CUL3: variants seen among roughly 807,000 people sequenced by gnomAD.
CUL3 encodes cullin 3, also known as cullin-3.
Under a neutral mutation model 89.1 loss-of-function variants are expected in CUL3, and 19 were observed. The observed-to-expected ratio is 0.21, with a 90% CI of 0.15 to 0.31. The LOEUF (loss-of-function observed/expected upper bound fraction) is 0.31, where lower values mean the gene tolerates loss of function less well. Ranked by LOEUF, CUL3 falls within the 10% of genes least tolerant of loss-of-function variation. The pLI is 1.00. For synonymous variants in CUL3, 351 were observed against 308.4 expected, an observed-to-expected ratio of 1.14 and a Z score of -1.45; for missense variants, 469 against 942.3, an observed-to-expected ratio of 0.50 and a Z score of 6.58.
intron 3 of CUL3, among the ~76,000 whole-genome samples, chr2:224,532,808 T>C (rs934506070): frequency 6.6e-6 from 1 of 152,034 alleles, no homozygotes; most frequent in Non-Finnish European, 1.5e-5. Flanking sequence ...CTAAAATACT[T>C]AAGGTTCATG....
chr2:224,547,666 G>T (rs1379721961), intron 2 of CUL3, among the ~76,000 whole-genome samples: 1 of 151,840 alleles, frequency 6.6e-6, no homozygotes, highest in Non-Finnish European at 1.5e-5. Flanking sequence ...AATTTGCTAA[G>T]GAAAATCTTA....
At chr2:224,556,866 T>C (rs916981317) in intron 2 of CUL3, among the ~76,000 whole-genome samples, 5 of 152,062 alleles carry the variant, frequency 3.3e-5, no homozygotes, top group Admixed American at 6.6e-5. Flanking sequence ...AAAAAAAATG[T>C]AGCAAAATGT....
In CUL3 at chr2:224,557,760, CA is replaced by C; in HGVS notation, c.162del (p.Phe54LeufsTer24). ...GTATATGCATTTCTATAGAGCTCCTCAAAACTAAGACCACTGTTATTCTTAC... is the reference window on the plus strand; with the variant it reads ...GTATATGCATTTCTATAGAGCTCCTCAAACTAAGACCACTGTTATTCTTAC... ...IQRKNNSGLSFEELYRNAYTM... is the reference protein window; with the variant it reads ...IQRKNNSGLSXEELYRNAYTM... On this transcript the variant is annotated frameshift_variant, in exon 2 of 16. Transcript: ENST00000264414. LOFTEE classifies it high-confidence loss of function. The C allele has an allele frequency of 6.2e-7, 1 of 1,610,398 alleles. No homozygotes were observed. Among genetic ancestry groups the C allele is most frequent in the Non-Finnish European group, 8.5e-7 (1 of 1,177,672 alleles).
At chr2:224,522,859 A>T (rs1693320489) in intron 3 of CUL3, among the ~76,000 whole-genome samples, 1 of 151,502 alleles carries the variant, frequency 6.6e-6, no homozygotes, top group African/African-American at 2.4e-5. Context: ...GGTCTGAAAA[A>T]TTTTAACAAG....
intron 13 of CUL3, among the ~76,000 whole-genome samples, chr2:224,486,337 A>G (rs1362966520): frequency 6.6e-6 from 1 of 152,164 alleles, no homozygotes; most frequent in Non-Finnish European, 1.5e-5. Flanking sequence ...AGCATGTTCT[A>G]ACCCTAAGAA....
intron 1 of CUL3, among the ~76,000 whole-genome samples, chr2:224,569,318 G>C (rs1248888474): frequency 3.3e-5 from 5 of 152,014 alleles, no homozygotes; most frequent in Non-Finnish European, 7.4e-5. Flanking sequence ...ATGTATACAG[G>C]ACCCTTCCCC....
intron 2 of CUL3, among the ~76,000 whole-genome samples, chr2:224,536,310 A>G (rs1488974647): frequency 1.3e-5 from 2 of 152,162 alleles, no homozygotes; most frequent in East Asian, 3.8e-4. Flanking sequence ...GCCTCAATTC[A>G]CATGGCTCGT....
intron 2 of CUL3, among the ~76,000 whole-genome samples, chr2:224,552,754 C>T (rs1694562604): frequency 6.6e-6 from 1 of 152,142 alleles, no homozygotes; most frequent in Non-Finnish European, 1.5e-5. Context: ...TATACCATAG[C>T]ACTAAAAGCA....
intron 7 of CUL3, 74 bp downstream of exon 7, chr2:224,506,784 G>T: frequency 7.7e-7 from 1 of 1,300,382 alleles, no homozygotes; most frequent in South Asian, 1.3e-5. Context: ...TACACAGCAT[G>T]GTAAAAGTGG....
In CUL3 at chr2:224,526,609, AAAG is replaced by A. The variant is rs1237588798; in HGVS notation, c.378+8916_378+8918del. On this transcript the variant is annotated intron_variant, in intron 3 of 15. Coordinates refer to ENST00000264414, the MANE Select transcript of CUL3 (RefSeq NM_003590.5). ...TCAAAAAAAAAAAAAAAAAAAAAAA[AAAG>A]AAAAGAAAAACAAATAATGTGCTCT... Among the ~76,000 whole-genome samples the A allele has an allele frequency of 6.0e-4, 90 of 150,386 alleles. 1 individual carries two copies. The highest frequency in any genetic ancestry group is 2.0e-3 in the African/African-American group (80 of 40,956).
rs187243469 is a variant in CUL3 at position 224,555,510 on chromosome 2, C to T, written c.264+2149G>A. Among the ~76,000 whole-genome samples, 7 of 152,312 alleles carry T rather than the reference C, an allele frequency of 4.6e-5. No homozygotes were observed. The East Asian group carries it at 1.2e-3, about 25-fold the overall frequency. On this transcript the variant is annotated intron_variant, in intron 2 of 15. Coordinates refer to ENST00000264414, the MANE Select transcript of CUL3 (RefSeq NM_003590.5). ...AAATATTCTGTCACATTTTCACCCA[C>T]TTAAAAACCTCCAATAACTGTCTAC...
At chr2:224,479,125 A>C (rs961903048) in intron 14 of CUL3, 4 of 152,210 alleles carry the variant, frequency 2.6e-5, no homozygotes, top group Non-Finnish European at 5.9e-5. Context: ...TCGTTCACCA[A>C]AAGGAGATAG....
At chr2:224,499,451 G>A in intron 11 of CUL3, 1 of 240,510 alleles carries the variant, frequency 4.2e-6, no homozygotes, top group South Asian at 7.8e-5. Context: ...TTGTCCTCCT[G>A]GCAATATCAA....
At chr2:224,568,909 T>A (rs1695112889) in intron 1 of CUL3, among the ~76,000 whole-genome samples, 1 of 152,190 alleles carries the variant, frequency 6.6e-6, no homozygotes, top group Non-Finnish European at 1.5e-5. Context: ...ATTATGTTAC[T>A]AATGAGCTTT....
Position 224,518,382 on chromosome 2 carries a change from CTTTGGGTTG to C in CUL3, c.379-3619_379-3611del, listed in dbSNP as rs573231827. Among the ~76,000 whole-genome samples, 612 of 152,248 alleles carry C rather than the reference CTTTGGGTTG, an allele frequency of 4.0e-3. 7 individuals carry two copies. Among genetic ancestry groups the C allele is most frequent in the African/African-American group, 0.014 (596 of 41,526 alleles). ...TTGCTTATCTATAAGCTGATGGATACTTTGGGTTGTTTCCATTTTTTGTCTATTACAAAT... is the reference window on the plus strand; with the variant it reads ...TTGCTTATCTATAAGCTGATGGATACTTTCCATTTTTTGTCTATTACAAAT... On this transcript the variant is annotated intron_variant, in intron 3 of 15. Transcript: ENST00000264414.
chr2:224,487,348 C>G (rs1193198238), intron 13 of CUL3, among the ~76,000 whole-genome samples: 1 of 149,330 alleles, frequency 6.7e-6, no homozygotes, highest in Non-Finnish European at 1.5e-5. Flanking sequence ...CAAGGCCTAT[C>G]AGTGTGCTGT....
chr2:224,557,615 T>C (rs2106303775), intron 2 of CUL3, 44 bp downstream of exon 2: 4 of 1,369,254 alleles, frequency 2.9e-6, no homozygotes, highest in Non-Finnish European at 4.1e-6. Flanking sequence ...AAGGATTTTC[T>C]ACATTCAATA....
intron 2 of CUL3, among the ~76,000 whole-genome samples, chr2:224,549,571 T>A (rs1463120177): frequency 1.3e-5 from 2 of 152,210 alleles, no homozygotes; most frequent in Non-Finnish European, 2.9e-5. Context: ...TAAGTACCAA[T>A]GCTCAGTTCT....
intron 2 of CUL3, among the ~76,000 whole-genome samples, chr2:224,557,292 A>G (rs1363634379): frequency 6.6e-6 from 1 of 152,176 alleles, no homozygotes; most frequent in African/African-American, 2.4e-5. Flanking sequence ...ATTTTAAACA[A>G]CGTAGTTTTA....
Sources: gnomAD v4.1 joint callset for allele counts (sites outside exome capture counted in the v4.1 genomes callset) on GRCh38, gnomAD v4.1.1 for gene constraint, MANE v1.5 for transcripts, NCBI Gene and HGNC (gene_info 2026-07-23, HGNC 2026-07-21) for gene names.